UBE2V2: variants seen among roughly 807,000 people sequenced by gnomAD.
UBE2V2 encodes ubiquitin conjugating enzyme E2 V2.
UBE2V2 carries 9 observed loss-of-function variants against 17.2 expected under a neutral mutation model. The ratio of observed to expected loss-of-function variants is 0.52; its 90% CI spans 0.32 to 0.91. The LOEUF is 0.91. Among genes scored for constraint, UBE2V2 ranks in the 40% least tolerant of loss-of-function variants. The pLI is 0.04. For missense variants in UBE2V2, 133 were observed against 182.6 expected, an observed-to-expected ratio of 0.73 and a Z score of 1.56; for synonymous variants, 61 against 57.5, an observed-to-expected ratio of 1.06 and a Z score of -0.28.
chr8:48,049,702 A>C (rs1458278935), intron 2 of UBE2V2, 151 bp from the exon 3 acceptor site: 1 of 635,554 alleles, frequency 1.6e-6, no homozygotes, highest in Non-Finnish European at 2.4e-6. Flanking sequence ...ATATAGGTGA[A>C]ATAAATTTGA....
intron 1 of UBE2V2, among the ~76,000 whole-genome samples, chr8:48,021,528 A>G (rs752845198): frequency 6.6e-6 from 1 of 151,810 alleles, no homozygotes; most frequent in Non-Finnish European, 1.5e-5. Flanking sequence ...GGATGGTCTC[A>G]ATCTCCTGAC....
intron 1 of UBE2V2, among the ~76,000 whole-genome samples, chr8:48,011,164 G>A (rs746344977): frequency 5.3e-5 from 8 of 152,150 alleles, no homozygotes; most frequent in East Asian, 1.9e-4. Flanking sequence ...GAGCTACATC[G>A]ATGTAATGCA....
At chr8:48,008,007 C>T (rs45477795), upstream of UBE2V2, among the ~76,000 whole-genome samples, 193 of 152,174 alleles carry the variant, frequency 1.3e-3, 4 homozygotes, top group East Asian at 0.025. Flanking sequence ...ATTGCCCCTC[C>T]GCCTCCCCGG....
chr8:48,051,162 CA>C (rs2091534100), intron 3 of UBE2V2, among the ~76,000 whole-genome samples: 1 of 152,068 alleles, frequency 6.6e-6, no homozygotes, highest in Admixed American at 6.6e-5. Flanking sequence ...TCTCTTTAAA[CA>C]AAATGACATG....
the UBE2V2 span, among the ~76,000 whole-genome samples, chr8:48,003,139 G>T: frequency 6.6e-4 from 101 of 151,896 alleles, 2 homozygotes; most frequent in Non-Finnish European, 1.4e-3. Context: ...GAACTCGGGA[G>T]GTGGAGGTTG....
chr8:48,027,706 C>G (rs2091354861), intron 1 of UBE2V2, among the ~76,000 whole-genome samples: 1 of 151,882 alleles, frequency 6.6e-6, no homozygotes, highest in South Asian at 2.1e-4. Context: ...CACCATGTTG[C>G]CCAGGGTGGT....
At chr8:48,019,967 T>C (rs750771081) in intron 1 of UBE2V2, among the ~76,000 whole-genome samples, 10 of 152,060 alleles carry the variant, frequency 6.6e-5, no homozygotes, top group Non-Finnish European at 1.5e-4. Context: ...TGAGTGAGAC[T>C]CTGTCTAAAA....
At chr8:48,023,749 G>T (rs919547174) in intron 1 of UBE2V2, among the ~76,000 whole-genome samples, 1 of 152,018 alleles carries the variant, frequency 6.6e-6, no homozygotes, top group African/African-American at 2.4e-5. Context: ...GATGGTGCTT[G>T]CTTATAGCTC....
In UBE2V2 at chr8:48,043,125, G is replaced by A. The variant is rs2091475411; in HGVS notation, c.109G>A (p.Asp37Asn). Reference sequence around the variant, plus strand: ...CGGTACAGTTAGCTGGGGCCTTGAAGATGATGAAGATATGACACTTACAAG... The same window carrying A: ...CGGTACAGTTAGCTGGGGCCTTGAAAATGATGAAGATATGACACTTACAAG... The part of the protein sequence containing the change: ...GDGTVSWGLE[D>N]DEDMTLTRWT... The change falls in exon 2 of 4, where the codon GAT becomes AAT. Residue 37 changes from aspartate to asparagine, a missense_variant. Around this residue, in one of 3 missense-constraint regions of UBE2V2, gnomAD observed 92 missense variants for 124.3 expected, o/e 0.74. Coordinates refer to ENST00000523111, the MANE Select transcript of UBE2V2 (RefSeq NM_003350.3). 1 of 1,597,388 alleles carries A rather than the reference G, an allele frequency of 6.3e-7. No homozygotes were observed. The highest frequency in any genetic ancestry group is 8.5e-7 in the Non-Finnish European group (1 of 1,169,980).
intron 1 of UBE2V2, among the ~76,000 whole-genome samples, chr8:48,013,468 C>T (rs1243442154): frequency 1.3e-5 from 2 of 152,006 alleles, no homozygotes; most frequent in Admixed American, 1.3e-4. Context: ...CCACCATGCC[C>T]GGTTAATTTT....
Position 48,043,025 on chromosome 8 carries a change from T to C in UBE2V2, c.17-8T>C. On this transcript the variant is annotated splice_polypyrimidine_tract_variant and splice_region_variant and intron_variant, in intron 1 of 3. Coordinates refer to ENST00000523111, the MANE Select transcript of UBE2V2 (RefSeq NM_003350.3). The stretch of plus-strand genomic sequence containing the variant: ...TTTTTACATTTACACTGACGTTCTT[T>C]TGTATAGGAGTTAAAGTTCCTCGTA... 1 of 1,506,480 alleles carries C rather than the reference T, an allele frequency of 6.6e-7. No individual in the cohort carries two copies. 93.3% of individuals were successfully genotyped at this position (1,506,480 alleles called of 1,614,324 possible).
the UBE2V2 span, among the ~76,000 whole-genome samples, chr8:47,997,479 T>C: frequency 6.6e-6 from 1 of 152,018 alleles, no homozygotes; most frequent in Non-Finnish European, 1.5e-5. Context: ...GGGCCTGGGC[T>C]GCAAGTCACA....
intron 1 of UBE2V2, among the ~76,000 whole-genome samples, chr8:48,009,353 C>G (rs570181599): frequency 6.6e-6 from 1 of 150,382 alleles, no homozygotes; most frequent in African/African-American, 2.4e-5. Context: ...GCAACCTCCA[C>G]CTCCCAGGTT....
In UBE2V2 at chr8:48,008,463, C is replaced by T. The variant is rs367584429; in HGVS notation, c.9C>T (p.Val3=). The T allele has an allele frequency of 4.5e-6, 7 of 1,567,950 alleles. No homozygotes were observed. The African/African-American group carries it at 7.1e-5, about 16-fold the overall frequency. The part of the protein sequence containing the change: MA[V]STGVKVPRNF... ...TCGGGCTGCAGGAGAAGATGGCGGTCTCCACAGGTCGGTTCCCGGGCCGGG... is the reference window on the plus strand; with the variant it reads ...TCGGGCTGCAGGAGAAGATGGCGGTTTCCACAGGTCGGTTCCCGGGCCGGG... The change falls in exon 1 of 4, where the codon GTC becomes GTT. Residue 3 remains valine (V), a synonymous_variant. Coordinates refer to ENST00000523111, the MANE Select transcript of UBE2V2 (RefSeq NM_003350.3).
At chr8:48,010,137 G>A (rs1249540470) in intron 1 of UBE2V2, among the ~76,000 whole-genome samples, 2 of 152,064 alleles carry the variant, frequency 1.3e-5, no homozygotes, top group Non-Finnish European at 2.9e-5. Flanking sequence ...GATATTAATG[G>A]CAAATACTTT....
chr8:48,051,808 A>G (rs2091540707), intron 3 of UBE2V2, among the ~76,000 whole-genome samples: 1 of 152,078 alleles, frequency 6.6e-6, no homozygotes, highest in Non-Finnish European at 1.5e-5. Flanking sequence ...CAAATAAAGC[A>G]TGACCCTGAG....
rs1251370325 is a variant in UBE2V2, at chr8:48,051,361, TTAGGAAA to T, written c.291+1388_291+1394del. On this transcript the variant is annotated intron_variant, in intron 3 of 3. Coordinates refer to ENST00000523111, the MANE Select transcript of UBE2V2 (RefSeq NM_003350.3). ...CATCATAAAATGAGTATCATCCATC[TTAGGAAA>T]TAGGGCCTCAGTATCCTTGATTTCT... Among the ~76,000 whole-genome samples the T allele has an allele frequency of 5.3e-5, 8 of 152,288 alleles. No individual in the cohort carries two copies. The East Asian group carries it at 1.5e-3, about 29-fold the overall frequency.
At chr8:48,038,378 C>T (rs372829840) in intron 1 of UBE2V2, among the ~76,000 whole-genome samples, 1 of 152,070 alleles carries the variant, frequency 6.6e-6, no homozygotes, top group Admixed American at 6.6e-5. Flanking sequence ...AGTGTAGTGG[C>T]GTGATCTTGG....
chr8:48,024,065 A>G lies in UBE2V2; in HGVS notation c.16+15595A>G, dbSNP rs1010246052. On this transcript the variant is annotated intron_variant, in intron 1 of 3. Transcript: ENST00000523111. ...GCTGATTTGTGTGAGAGCAGATGGT[A>G]TTTTCAGTAAGCTGGAACTCAGCAG... 4.6e-5 allele frequency among the ~76,000 whole-genome samples: 7 copies of G among 152,120 alleles called. No homozygotes were observed. In the South Asian group the frequency reaches 1.5e-3, roughly 32 times the overall value.
Sources: gnomAD v4.1 joint callset for allele counts (sites outside exome capture counted in the v4.1 genomes callset) on GRCh38, gnomAD v4.1.1 for gene constraint, gnomAD v4.1.1 regional missense constraint, MANE v1.5 for transcripts, NCBI Gene and HGNC (gene_info 2026-07-23, HGNC 2026-07-21) for gene names.